The following BLTP1 variants were observed in gnomAD, a reference collection of about 807,000 sequenced individuals.
BLTP1 encodes fragile site-associated protein.
At chr4:122,214,629 T>TC in the BLTP1 span, 1 of 636,162 alleles carries the variant, frequency 1.6e-6, no homozygotes, top group Non-Finnish European at 1.9e-6. Flanking sequence ...TTTTTTTTTT[T>TC]TTTTTTTTTT....
chr4:122,308,412 CTTAA>C, the BLTP1 span, among the ~76,000 whole-genome samples: 1 of 152,088 alleles, frequency 6.6e-6, no homozygotes, highest in African/African-American at 2.4e-5. Flanking sequence ...CCAGATAACT[CTTAA>C]TTTTTACCTT....
chr4:122,207,061 G>T, the BLTP1 span: 1 of 1,526,900 alleles, frequency 6.5e-7, no homozygotes, highest in Non-Finnish European at 8.8e-7. Flanking sequence ...TTACTTTTCT[G>T]AGTTTCAACT....
At chr4:122,232,584 G>C in the BLTP1 span, among the ~76,000 whole-genome samples, 1 of 151,998 alleles carries the variant, frequency 6.6e-6, no homozygotes, top group South Asian at 2.1e-4. Flanking sequence ...TCCAGCCTGG[G>C]CAACAGAGTG....
At chr4:122,182,119 T>C in the BLTP1 span, among the ~76,000 whole-genome samples, 1 of 152,134 alleles carries the variant, frequency 6.6e-6, no homozygotes, top group African/African-American at 2.4e-5. Flanking sequence ...AATTATAATA[T>C]TTCTATTCTA....
chr4:122,189,989 C>T, the BLTP1 span: 1 of 1,550,572 alleles, frequency 6.4e-7, no homozygotes, highest in South Asian at 1.2e-5. Context: ...TTCCCCTCCA[C>T]CTTCTTATAG....
the BLTP1 span, chr4:122,307,542 TC>T: frequency 1.0e-6 from 1 of 985,170 alleles, no homozygotes; most frequent in Non-Finnish European, 1.2e-6. Flanking sequence ...GTAAATCAGA[TC>T]CTTTTAATGG....
chr4:122,355,196 A>G, the BLTP1 span, among the ~76,000 whole-genome samples: 2 of 152,160 alleles, frequency 1.3e-5, no homozygotes, highest in South Asian at 4.1e-4. Context: ...TATTAGCATA[A>G]TGAACTGCTG....
the BLTP1 span, chr4:122,359,849 T>A: frequency 7.2e-7 from 1 of 1,397,918 alleles, no homozygotes; most frequent in African/African-American, 1.5e-5. Context: ...GTAATGTCTA[T>A]AGCTTCTGTG....
the BLTP1 span, chr4:122,307,901 A>C: frequency 6.3e-7 from 1 of 1,588,020 alleles, no homozygotes; most frequent in Non-Finnish European, 8.5e-7. Flanking sequence ...ATATAGATTT[A>C]CAGTGTTGAT....
chr4:122,247,564 G>C, the BLTP1 span: 1 of 1,096,492 alleles, frequency 9.1e-7, no homozygotes, highest in East Asian at 2.8e-5. Context: ...ACTTTGGTAA[G>C]AAAATTAAGT....
the BLTP1 span, chr4:122,220,993 G>C: frequency 1.7e-6 from 1 of 582,886 alleles, no homozygotes; most frequent in South Asian, 7.6e-5. Flanking sequence ...TACATTTCTG[G>C]GTAGATTATA....
chr4:122,348,809 CTAAA>C, the BLTP1 span: 2 of 826,532 alleles, frequency 2.4e-6, no homozygotes, highest in Non-Finnish European at 3.7e-6. Flanking sequence ...TTTTTGAATG[CTAAA>C]TATTTGAAAA....
chr4:122,189,702 A>G, the BLTP1 span: 4 of 907,250 alleles, frequency 4.4e-6, no homozygotes, highest in Admixed American at 2.5e-4. Flanking sequence ...AATGAAAAAT[A>G]TAAAACTAAA....
chr4:122,220,299 T>C, the BLTP1 span: 2 of 1,602,014 alleles, frequency 1.2e-6, no homozygotes, highest in African/African-American at 1.4e-5. Context: ...TTGCCTTTTC[T>C]GCATTTCAAC....
At chr4:122,335,269 A>G in the BLTP1 span, among the ~76,000 whole-genome samples, 1 of 152,026 alleles carries the variant, frequency 6.6e-6, no homozygotes, top group Admixed American at 6.6e-5. Context: ...CTTATGGCTT[A>G]GCCTTAGAAG....
chr4:122,290,790 A>T, the BLTP1 span: 1 of 115,582 alleles, frequency 8.7e-6, no homozygotes. Context: ...CCGTCTCAAA[A>T]AAAAAAAAAA....
At chr4:122,316,816 G>T in the BLTP1 span, 1 of 1,612,848 alleles carries the variant, frequency 6.2e-7, no homozygotes, top group Non-Finnish European at 8.5e-7. Context: ...GCGTATAGTG[G>T]ATATCAGAGA....
the BLTP1 span, chr4:122,347,004 G>A: frequency 9.2e-6 from 7 of 760,836 alleles, 1 homozygote; most frequent in East Asian, 9.0e-4. Flanking sequence ...AATAAATATA[G>A]TTTATTCTAT....
At chr4:122,224,684 T>C in the BLTP1 span, 1 of 1,614,002 alleles carries the variant, frequency 6.2e-7, no homozygotes, top group Non-Finnish European at 8.5e-7. Context: ...ACAGGTATGG[T>C]TTTCAGAGTA....
Sources: allele counts gnomAD v4.1 joint callset (sites outside exome capture counted in the v4.1 genomes callset), GRCh38; gene constraint gnomAD v4.1.1; transcripts MANE v1.5; gene names NCBI Gene and HGNC (gene_info 2026-07-23, HGNC 2026-07-21).